Variants in LINGO2 observed in about 807,000 individuals in gnomAD.
LINGO2 encodes the protein leucine-rich repeat and immunoglobulin-like domain-containing nogo receptor-interacting protein 2.
A neutral mutation model predicts 30.6 loss-of-function variants in LINGO2; 14 were observed. That is an observed-to-expected ratio of 0.46 (90% CI 0.30 to 0.72). The LOEUF (loss-of-function observed/expected upper bound fraction) is 0.72. LINGO2 is among the 30% of genes least tolerant of loss of function. The pLI is 0.07. For missense variants in LINGO2, 729 were observed against 751.7 expected, an observed-to-expected ratio of 0.97 and a Z score of 0.35; for synonymous variants, 317 against 288.5, an observed-to-expected ratio of 1.10 and a Z score of -1.00.
At chr9:28,125,558 C>A (rs1006621800) in intron 4 of LINGO2, among the ~76,000 whole-genome samples, 1 of 152,108 alleles carries the variant, frequency 6.6e-6, no homozygotes, top group Admixed American at 6.5e-5. Flanking sequence ...CCAAATTAGA[C>A]CCAACCTTAT....
intron 1 of LINGO2, among the ~76,000 whole-genome samples, chr9:28,593,022 C>T (rs1824998809): frequency 1.3e-5 from 2 of 151,986 alleles, no homozygotes; most frequent in African/African-American, 4.8e-5. Context: ...ATTTGGCTCA[C>T]TTAGAGGAAT....
At chr9:29,120,700 T>C in the LINGO2 span, among the ~76,000 whole-genome samples, 1 of 152,158 alleles carries the variant, frequency 6.6e-6, no homozygotes, top group African/African-American at 2.4e-5. Flanking sequence ...AATCTGCACT[T>C]CTAAGAATAA....
At chr9:28,570,189 A>G (rs966038739) in intron 1 of LINGO2, among the ~76,000 whole-genome samples, 1 of 151,980 alleles carries the variant, frequency 6.6e-6, no homozygotes, top group Non-Finnish European at 1.5e-5. Flanking sequence ...AATGATAGAT[A>G]CAATGTCATA....
At chr9:28,789,758 C>T in the LINGO2 span, among the ~76,000 whole-genome samples, 15 of 152,230 alleles carry the variant, frequency 9.9e-5, no homozygotes, top group African/African-American at 3.4e-4. Flanking sequence ...AGAAAGCATC[C>T]ATGTTCCTTG....
At chr9:28,770,050 T>C in the LINGO2 span, among the ~76,000 whole-genome samples, 1 of 152,094 alleles carries the variant, frequency 6.6e-6, no homozygotes, top group African/African-American at 2.4e-5. Context: ...TCCACTTTTA[T>C]TTAGACAGTT....
At position 28,083,299 on chromosome 9, in the gene LINGO2, A is replaced by G. The variant is rs1000619567; in HGVS notation, c.-86-70894T>C. Reference sequence around the variant, plus strand: ...CCAGCTCCCTTTTTGACTCTAGACAATCGTGCTTGGTCGCTACAAGGAGTG... The same window carrying G: ...CCAGCTCCCTTTTTGACTCTAGACAGTCGTGCTTGGTCGCTACAAGGAGTG... On this transcript the variant is annotated intron_variant, in intron 4 of 5. Transcript: ENST00000379992. 7.2e-5 allele frequency among the ~76,000 whole-genome samples: 11 copies of G among 152,122 alleles called. No homozygotes were observed. In the South Asian group the frequency reaches 1.2e-3, roughly 17 times the overall value.
chr9:27,994,407 C>G (rs1821552496), intron 5 of LINGO2, among the ~76,000 whole-genome samples: 2 of 151,812 alleles, frequency 1.3e-5, no homozygotes, highest in South Asian at 4.2e-4. Context: ...GAGAAAAGAA[C>G]CAAATAAGTA....
the LINGO2 span, among the ~76,000 whole-genome samples, chr9:28,703,229 T>C: frequency 6.6e-6 from 1 of 151,878 alleles, no homozygotes; most frequent in East Asian, 1.9e-4. Flanking sequence ...TTTTAGATCT[T>C]TTTTCTTTTC....
intron 1 of LINGO2, among the ~76,000 whole-genome samples, chr9:28,636,601 C>G (rs909518321): frequency 2.0e-5 from 3 of 152,146 alleles, no homozygotes; most frequent in Non-Finnish European, 2.9e-5. Flanking sequence ...TTCATTGTGT[C>G]TGTTGGCTGC....
At chr9:28,506,451 C>CAA (rs1314234225) in intron 1 of LINGO2, among the ~76,000 whole-genome samples, 2 of 100,234 alleles carry the variant, frequency 2.0e-5, no homozygotes, top group Non-Finnish European at 4.4e-5. Context: ...CACACACACA[C>CAA]ACACATACAC....
In LINGO2 at chr9:28,605,057, T is replaced by C. The variant is rs572890456; in HGVS notation, c.-365+65143A>G. ...AAGCCAAGTTCTTAGCCACTAAACT[T>C]GTACTCTACAGTATGATTACTATTC... On this transcript the variant is annotated intron_variant, in intron 1 of 5. Transcript: ENST00000379992. Among the ~76,000 whole-genome samples, 3 of 152,130 alleles carry C rather than the reference T, an allele frequency of 2.0e-5. No homozygotes were observed. The East Asian group carries it at 5.8e-4, about 29-fold the overall frequency.
intron 4 of LINGO2, among the ~76,000 whole-genome samples, chr9:28,107,776 A>T (rs756801420): frequency 6.6e-6 from 1 of 152,158 alleles, no homozygotes; most frequent in Non-Finnish European, 1.5e-5. Flanking sequence ...TAAATGATTC[A>T]TTTCTAAGGG....
the LINGO2 span, among the ~76,000 whole-genome samples, chr9:28,889,258 C>T: frequency 6.6e-6 from 1 of 152,116 alleles, no homozygotes; most frequent in Admixed American, 6.6e-5. Context: ...TTCAATAATG[C>T]CTGAGTCAAA....
intron 1 of LINGO2, among the ~76,000 whole-genome samples, chr9:28,498,598 C>T (rs537700915): frequency 2.0e-5 from 3 of 152,242 alleles, no homozygotes; most frequent in East Asian, 1.9e-4. Flanking sequence ...AGACCACTTG[C>T]GCTTCCCGGG....
the LINGO2 span, among the ~76,000 whole-genome samples, chr9:29,140,326 G>A: frequency 1.3e-5 from 2 of 151,840 alleles, no homozygotes; most frequent in Non-Finnish European, 1.5e-5. Flanking sequence ...AGAACAAAAT[G>A]AGAATACCAA....
the LINGO2 span, among the ~76,000 whole-genome samples, chr9:29,041,944 C>T: frequency 6.6e-6 from 1 of 151,934 alleles, no homozygotes. Context: ...ACTTTAGATA[C>T]TCAGCAATTT....
chr9:28,251,801 G>A (rs905742872), intron 4 of LINGO2, among the ~76,000 whole-genome samples: 21 of 151,976 alleles, frequency 1.4e-4, no homozygotes, highest in African/African-American at 5.1e-4. Flanking sequence ...CATACAGGGA[G>A]GAATATTATG....
the LINGO2 span, among the ~76,000 whole-genome samples, chr9:28,993,571 A>C: frequency 1.3e-5 from 2 of 151,186 alleles, no homozygotes; most frequent in Non-Finnish European, 3.0e-5. Flanking sequence ...CAAAAAAGAG[A>C]ATTTTAGATC....
intron 4 of LINGO2, among the ~76,000 whole-genome samples, chr9:28,208,168 T>C (rs1336742012): frequency 1.3e-5 from 2 of 152,138 alleles, no homozygotes; most frequent in Non-Finnish European, 2.9e-5. Flanking sequence ...TATATAATTG[T>C]CCATTTATAC....
Sources: gnomAD v4.1 joint callset for allele counts (sites outside exome capture counted in the v4.1 genomes callset) on GRCh38, gnomAD v4.1.1 for gene constraint, MANE v1.5 for transcripts, NCBI Gene and HGNC (gene_info 2026-07-23, HGNC 2026-07-21) for gene names.